The following HS6ST3 variants were observed in gnomAD, a reference collection of about 807,000 sequenced individuals.
HS6ST3 encodes heparan-sulfate 6-O-sulfotransferase 3.
HS6ST3 carries 12 observed loss-of-function variants against 36.7 expected under a neutral mutation model. That is an observed-to-expected ratio of 0.33 (90% CI 0.21 to 0.53). The LOEUF is 0.53. Among genes scored for constraint, HS6ST3 ranks in the 20% least tolerant of loss-of-function variants. HS6ST3 has a pLI of 0.95. For synonymous variants in HS6ST3, 240 were observed against 257.5 expected (o/e 0.93, Z 0.65); for missense variants, 584 against 640.9 (o/e 0.91, Z 0.96).
At chr13:96,310,026 A>G (rs1268409042) in intron 1 of HS6ST3, among the ~76,000 whole-genome samples, 1 of 152,190 alleles carries the variant, frequency 6.6e-6, no homozygotes, top group Non-Finnish European at 1.5e-5. Context: ...TGAATTGTCT[A>G]CAATGATTAT....
chr13:96,527,209 C>G (rs1035430463), intron 1 of HS6ST3, among the ~76,000 whole-genome samples: 61 of 152,180 alleles, frequency 4.0e-4, no homozygotes, highest in African/African-American at 1.3e-3. Flanking sequence ...CCCAACTCAG[C>G]TTTGCAAGTT....
intron 1 of HS6ST3, among the ~76,000 whole-genome samples, chr13:96,766,005 A>G (rs545317489): frequency 6.6e-6 from 1 of 152,222 alleles, no homozygotes; most frequent in Non-Finnish European, 1.5e-5. Flanking sequence ...ATAAACTGGC[A>G]GTACAACCTA....
At chr13:96,487,070 CA>C (rs1405321694) in intron 1 of HS6ST3, among the ~76,000 whole-genome samples, 2 of 152,022 alleles carry the variant, frequency 1.3e-5, no homozygotes, top group Non-Finnish European at 2.9e-5. Context: ...CAATTACAAT[CA>C]AAGACCATTT....
chr13:96,571,458 A>G (rs1407730042), intron 1 of HS6ST3, among the ~76,000 whole-genome samples: 1 of 152,226 alleles, frequency 6.6e-6, no homozygotes, highest in Non-Finnish European at 1.5e-5. Flanking sequence ...ATAAGGTGAA[A>G]TGGACTCTTA....
chr13:96,312,392 A>G (rs1594750160), intron 1 of HS6ST3, among the ~76,000 whole-genome samples: 1 of 152,108 alleles, frequency 6.6e-6, no homozygotes, highest in East Asian at 1.9e-4. Flanking sequence ...AGTGAATGTG[A>G]TATGTCTATA....
intron 1 of HS6ST3, among the ~76,000 whole-genome samples, chr13:96,141,100 A>G (rs144900839): frequency 2.5e-4 from 38 of 152,188 alleles, no homozygotes; most frequent in Admixed American, 2.4e-3. Context: ...TGTATTAGGA[A>G]GAGAAGGGAT....
At chr13:96,552,064 A>G (rs1221078563) in intron 1 of HS6ST3, among the ~76,000 whole-genome samples, 1 of 152,190 alleles carries the variant, frequency 6.6e-6, no homozygotes, top group African/African-American at 2.4e-5. Context: ...AGCAATCTTA[A>G]CTGATATCCT....
intron 1 of HS6ST3, among the ~76,000 whole-genome samples, chr13:96,317,367 T>TAA (rs113951852): frequency 5.6e-5 from 1 of 17,942 alleles, no homozygotes; most frequent in Admixed American, 6.2e-4. Flanking sequence ...TATATATATA[T>TAA]AAAATTATAT....
chr13:96,389,655 G>T (rs1331004839), intron 1 of HS6ST3, among the ~76,000 whole-genome samples: 1 of 152,102 alleles, frequency 6.6e-6, no homozygotes, highest in Non-Finnish European at 1.5e-5. Context: ...GAAAATATGA[G>T]TGTATAATAT....
At chr13:96,161,959 T>C (rs200537142) in intron 1 of HS6ST3, among the ~76,000 whole-genome samples, 3 of 152,218 alleles carry the variant, frequency 2.0e-5, no homozygotes, top group Non-Finnish European at 2.9e-5. Flanking sequence ...TTTAGGGTGA[T>C]AAATGTCTTC....
chr13:96,547,609 G>T (rs1020850291), intron 1 of HS6ST3, among the ~76,000 whole-genome samples: 4 of 152,294 alleles, frequency 2.6e-5, no homozygotes, highest in South Asian at 2.1e-4. Flanking sequence ...AAGAGAAAGA[G>T]AATTTGGCTT....
At chr13:96,148,170 C>G (rs2054067165) in intron 1 of HS6ST3, among the ~76,000 whole-genome samples, 1 of 152,180 alleles carries the variant, frequency 6.6e-6, no homozygotes, top group South Asian at 2.1e-4. Context: ...TGACCATAAA[C>G]ATACCATAGC....
chr13:96,338,368 C>A lies in HS6ST3; in HGVS notation c.707+246799C>A, dbSNP rs1279778330. 2.0e-5 allele frequency among the ~76,000 whole-genome samples: 3 copies of A among 152,082 alleles called. No individual in the cohort carries two copies. The East Asian group carries it at 5.8e-4, about 29-fold the overall frequency. ...CGGGGAGCTACTAAGGGAAGGGGAC[C>A]CTGGGGCTCACACTTCTCTCTGCAG... On this transcript the variant is annotated intron_variant, in intron 1 of 1. Transcript: ENST00000376705.
At chr13:96,820,813 C>G (rs1048378008) in intron 1 of HS6ST3, among the ~76,000 whole-genome samples, 1 of 152,250 alleles carries the variant, frequency 6.6e-6, no homozygotes, top group East Asian at 1.9e-4. Flanking sequence ...AAATCTCTTC[C>G]TGAATACAGG....
intron 1 of HS6ST3, among the ~76,000 whole-genome samples, chr13:96,698,083 T>G (rs1875181610): frequency 6.6e-6 from 1 of 152,200 alleles, no homozygotes; most frequent in Admixed American, 6.5e-5. Context: ...TTAGGGTACA[T>G]GTGCACAACG....
chr13:96,700,242 C>T (rs769045952), intron 1 of HS6ST3, among the ~76,000 whole-genome samples: 48 of 152,240 alleles, frequency 3.2e-4, no homozygotes, highest in African/African-American at 8.9e-4. Flanking sequence ...GCAAATCTTA[C>T]GTGGCAGCAG....
chr13:96,744,923 A>T (rs1876528747), intron 1 of HS6ST3, among the ~76,000 whole-genome samples: 1 of 152,122 alleles, frequency 6.6e-6, no homozygotes, highest in African/African-American at 2.4e-5. Context: ...GAAAATGGTG[A>T]CCTATAAATC....
At chr13:96,333,702 G>A (rs576412377) in intron 1 of HS6ST3, among the ~76,000 whole-genome samples, 2 of 152,288 alleles carry the variant, frequency 1.3e-5, no homozygotes, top group East Asian at 1.9e-4. Context: ...GGATTTGGGG[G>A]TAGGTGCTTT....
At chr13:96,174,017 T>C (rs1473763358) in intron 1 of HS6ST3, among the ~76,000 whole-genome samples, 2 of 151,460 alleles carry the variant, frequency 1.3e-5, no homozygotes, top group Non-Finnish European at 2.9e-5. Flanking sequence ...TTAATACTAC[T>C]TTTGGAAGGC....
Sources: gnomAD v4.1 joint callset for allele counts (sites outside exome capture counted in the v4.1 genomes callset) on GRCh38, gnomAD v4.1.1 for gene constraint, MANE v1.5 for transcripts, NCBI Gene and HGNC (gene_info 2026-07-23, HGNC 2026-07-21) for gene names.